Variants in TENM3 observed in about 807,000 individuals in gnomAD.
TENM3 encodes the protein teneurin transmembrane protein 3, also known as teneurin-3.
In TENM3, 63 loss-of-function variants were observed where a neutral mutation model predicts 255.1. That is an observed-to-expected ratio of 0.25 (90% CI 0.20 to 0.30). The LOEUF (loss-of-function observed/expected upper bound fraction) is 0.30, where lower values mean the gene tolerates loss of function less well. Among genes scored for constraint, TENM3 ranks in the 10% least tolerant of loss-of-function variants. TENM3 has a pLI of 1.00. For missense variants in TENM3, 2,929 were observed against 3,461.1 expected (o/e 0.85, Z 3.86); for synonymous variants, 1,306 against 1,322.3 (o/e 0.99, Z 0.27).
At chr4:182,787,490 T>G (rs1309877338) in intron 24 of TENM3, among the ~76,000 whole-genome samples, 2 of 152,034 alleles carry the variant, frequency 1.3e-5, no homozygotes, top group African/African-American at 4.8e-5. Context: ...TCCCAGCACT[T>G]TGGGAGGCCA....
chr4:182,197,854 C>T (rs1377304142), intron 1 of TENM3, among the ~76,000 whole-genome samples: 1 of 152,326 alleles, frequency 6.6e-6, no homozygotes, highest in Admixed American at 6.5e-5. Context: ...CCTGTAATCC[C>T]AGCACTTCGG....
the TENM3 span, among the ~76,000 whole-genome samples, chr4:181,799,312 C>T: frequency 6.6e-6 from 1 of 152,172 alleles, no homozygotes; most frequent in Non-Finnish European, 1.5e-5. Flanking sequence ...AAGCAGTTTG[C>T]AGTAAATGTG....
the TENM3 span, among the ~76,000 whole-genome samples, chr4:181,810,545 A>C: frequency 6.6e-6 from 1 of 152,032 alleles, no homozygotes; most frequent in African/African-American, 2.4e-5. Flanking sequence ...TTTGTTGACT[A>C]TGTTATTCAT....
intron 1 of TENM3, among the ~76,000 whole-genome samples, chr4:182,258,301 A>G (rs1277900326): frequency 6.6e-6 from 1 of 152,220 alleles, no homozygotes; most frequent in African/African-American, 2.4e-5. Context: ...ACCTCACCAA[A>G]CAATTTATAT....
At chr4:182,660,375 G>A (rs544271875) in intron 6 of TENM3, among the ~76,000 whole-genome samples, 10 of 152,194 alleles carry the variant, frequency 6.6e-5, no homozygotes, top group Non-Finnish European at 1.5e-4. Context: ...AAGAACTGAA[G>A]CTCTGCCACT....
At chr4:182,091,053 G>A in the TENM3 span, among the ~76,000 whole-genome samples, 1 of 152,126 alleles carries the variant, frequency 6.6e-6, no homozygotes, top group Non-Finnish European at 1.5e-5. Flanking sequence ...AACACATTGA[G>A]TATTTGAAGA....
At chr4:182,182,367 G>A (rs574988424) in intron 1 of TENM3, among the ~76,000 whole-genome samples, 1 of 152,086 alleles carries the variant, frequency 6.6e-6, no homozygotes, top group Non-Finnish European at 1.5e-5. Context: ...ACCAAATTTT[G>A]TCATGTATGA....
At chr4:182,791,138 A>G (rs1766073827) in intron 25 of TENM3, among the ~76,000 whole-genome samples, 1 of 152,262 alleles carries the variant, frequency 6.6e-6, no homozygotes, top group South Asian at 2.1e-4. Flanking sequence ...GCAAAGTCCA[A>G]GCTTTCCTTG....
chr4:182,128,998 G>T, the TENM3 span, among the ~76,000 whole-genome samples: 6 of 152,110 alleles, frequency 3.9e-5, no homozygotes, highest in Non-Finnish European at 5.9e-5. Context: ...AAAATTTAAA[G>T]CAGGTCACGA....
chr4:181,770,186 T>C, the TENM3 span, among the ~76,000 whole-genome samples: 45 of 152,286 alleles, frequency 3.0e-4, no homozygotes, highest in Non-Finnish European at 4.9e-4. Context: ...GGAAAGCTTT[T>C]AAAAATTACT....
At chr4:182,568,016 A>G (rs986135287) in intron 3 of TENM3, among the ~76,000 whole-genome samples, 13 of 152,342 alleles carry the variant, frequency 8.5e-5, no homozygotes, top group African/African-American at 3.1e-4. Flanking sequence ...ATATGAGTTC[A>G]GTATTGTCCT....
chr4:181,647,919 G>C, the TENM3 span, among the ~76,000 whole-genome samples: 1 of 152,058 alleles, frequency 6.6e-6, no homozygotes, highest in Non-Finnish European at 1.5e-5. Context: ...TCAAACCTTT[G>C]GGGGAGGTTT....
At chr4:182,735,110 T>A (rs1267600155) in intron 16 of TENM3, among the ~76,000 whole-genome samples, 1 of 152,172 alleles carries the variant, frequency 6.6e-6, no homozygotes, top group Non-Finnish European at 1.5e-5. Context: ...CCTACAGTCT[T>A]ACAAAAGTAC....
intron 17 of TENM3, among the ~76,000 whole-genome samples, chr4:182,737,419 C>G (rs1446676998): frequency 2.0e-5 from 3 of 152,042 alleles, no homozygotes; most frequent in Admixed American, 6.6e-5. Context: ...CTTTACCTCC[C>G]TGGATTTCCT....
At chr4:182,495,245 C>T (rs867282641) in intron 3 of TENM3, among the ~76,000 whole-genome samples, 2 of 152,318 alleles carry the variant, frequency 1.3e-5, no homozygotes, top group Middle Eastern at 6.8e-3. Context: ...CAAGTGGCAG[C>T]ATTTAATATT....
At chr4:181,779,058 A>G in the TENM3 span, among the ~76,000 whole-genome samples, 1 of 152,076 alleles carries the variant, frequency 6.6e-6, no homozygotes, top group Non-Finnish European at 1.5e-5. Context: ...GTGAGTCTAC[A>G]AAGGAGAGTA....
the TENM3 span, among the ~76,000 whole-genome samples, chr4:181,951,699 T>C: frequency 6.6e-6 from 1 of 152,248 alleles, no homozygotes; most frequent in South Asian, 2.1e-4. Flanking sequence ...CCTAAGTGCA[T>C]TTGTTCACTG....
chr4:182,756,739 T>A (rs1280466425), intron 22 of TENM3, among the ~76,000 whole-genome samples: 6 of 152,256 alleles, frequency 3.9e-5, no homozygotes, highest in Admixed American at 3.9e-4. Context: ...TTTTCTTTTT[T>A]GACAGATTCC....
At chr4:182,740,955 T>A (rs1417860554) in intron 18 of TENM3, among the ~76,000 whole-genome samples, 1 of 152,150 alleles carries the variant, frequency 6.6e-6, no homozygotes, top group Non-Finnish European at 1.5e-5. Context: ...GGTGGGCAGA[T>A]CATTTGAGAT....
Sources: allele counts gnomAD v4.1 joint callset (sites outside exome capture counted in the v4.1 genomes callset), GRCh38; gene constraint gnomAD v4.1.1; transcripts MANE v1.5; gene names NCBI Gene and HGNC (gene_info 2026-07-23, HGNC 2026-07-21).